Variants in UBE3B observed in about 807,000 individuals in gnomAD.
UBE3B encodes ubiquitin-protein ligase E3B.
In UBE3B, 80 loss-of-function variants were observed where a neutral mutation model predicts 132.3. The observed-to-expected ratio is 0.60, with a 90% CI of 0.50 to 0.73. The LOEUF (loss-of-function observed/expected upper bound fraction) is 0.73. UBE3B is among the 30% of genes least tolerant of loss of function. The pLI is 0.00. For missense variants in UBE3B, 1,196 were observed against 1,362.5 expected (o/e 0.88, Z 1.92); for synonymous variants, 487 against 520.4 (o/e 0.94, Z 0.87).
intron 17 of UBE3B, 109 bp downstream of exon 17, chr12:109,510,567 T>G: frequency 1.2e-6 from 1 of 834,588 alleles, no homozygotes; most frequent in Admixed American, 2.2e-5. Flanking sequence ...TCCCTCTGCT[T>G]CATTTTGTCT....
the UBE3B span, among the ~76,000 whole-genome samples, chr12:109,547,286 G>C: frequency 6.6e-6 from 1 of 152,158 alleles, no homozygotes; most frequent in Non-Finnish European, 1.5e-5. The surrounding 1 kb of genome is among the most constrained non-coding windows in gnomAD (Gnocchi z 4.1). Context: ...TTCTCATCAC[G>C]ACCTGGAGCA....
rs753450646 is a variant in UBE3B at position 109,521,346 on chromosome 12, A to G, written c.2253+22A>G. 9 of 1,607,372 alleles carry G rather than the reference A, an allele frequency of 5.6e-6. No individual in the cohort carries two copies. The highest frequency in any genetic ancestry group is 5.1e-6 in the Non-Finnish European group (6 of 1,174,234). On this transcript the variant is annotated intron_variant, in intron 20 of 27. Coordinates refer to ENST00000342494, the MANE Select transcript of UBE3B (RefSeq NM_130466.4). This position sits in a 1 kb window ranked among gnomAD's most constrained non-coding sequence, Gnocchi z 4.2. ...CAAGGTATTTAAGGGGAGCAACAGCAGGGCTGACAGCAGCCAGATTCAAGA... is the reference window on the plus strand; with the variant it reads ...CAAGGTATTTAAGGGGAGCAACAGCGGGGCTGACAGCAGCCAGATTCAAGA...
At chr12:109,504,541 CGGGG>C (rs1485870314) in intron 14 of UBE3B, among the ~76,000 whole-genome samples, 2 of 152,100 alleles carry the variant, frequency 1.3e-5, no homozygotes, top group Non-Finnish European at 2.9e-5. Context: ...TGGAGAAGAC[CGGGG>C]GCAGGGCCTG....
intron 14 of UBE3B, among the ~76,000 whole-genome samples, chr12:109,506,000 GAGATGTGTTATT>G (rs1879615674): frequency 6.6e-6 from 1 of 152,200 alleles, no homozygotes; most frequent in African/African-American, 2.4e-5. Context: ...TCTAAGTCAA[GAGATGTGTTATT>G]AGATGTAAAC....
chr12:109,494,147 A>G (rs1250425549), intron 9 of UBE3B, among the ~76,000 whole-genome samples: 1 of 152,122 alleles, frequency 6.6e-6, no homozygotes, highest in Non-Finnish European at 1.5e-5. Context: ...TTTATAGATA[A>G]GGAAGCTAAG....
chr12:109,484,494 CA>C (rs915148869), intron 4 of UBE3B, among the ~76,000 whole-genome samples: 1 of 152,108 alleles, frequency 6.6e-6, no homozygotes, highest in African/African-American at 2.4e-5. Context: ...CGGGTTCAAG[CA>C]GTTCTCCGGC....
rs1481318315 is a variant in UBE3B at position 109,516,750 on chromosome 12, C to G, written c.1957-15C>G. 2 of 1,609,592 alleles carry G rather than the reference C, an allele frequency of 1.2e-6. No homozygotes were observed. Among genetic ancestry groups the G allele is most frequent in the Admixed American group, 1.7e-5 (1 of 59,672 alleles). ...TGCTGACCCTGTTTTCTGATCCCGC[C>G]TTTGTTCATTTTAGAGAGTTCTACT... On this transcript the variant is annotated splice_polypyrimidine_tract_variant and intron_variant, in intron 18 of 27. Transcript: ENST00000342494.
rs973943528 is a variant in UBE3B, at chr12:109,522,008, G to A, written c.2364+457G>A. 6.6e-6 allele frequency among the ~76,000 whole-genome samples: 1 copy of A among 152,218 alleles called. No individual in the cohort carries two copies. The highest frequency in any genetic ancestry group is 2.4e-5 in the African/African-American group (1 of 41,462). On this transcript the variant is annotated intron_variant, in intron 21 of 27. Coordinates refer to ENST00000342494, the MANE Select transcript of UBE3B (RefSeq NM_130466.4). This position sits in a 1 kb window ranked among gnomAD's most constrained non-coding sequence, Gnocchi z 4.2. ...TGGAGTTTGATAGTTTTAAAATCTT[G>A]TGTTGTTTGAGTGAGTGCTTCCCAG...
chr12:109,521,483 T>C lies in UBE3B; in HGVS notation c.2296T>C (p.Tyr766His). ...GAGGCTGTACCCCTCACCCACATCC[T>C]ACATCCATGAGAATTACCTGCAGCT... The part of the protein sequence containing the change: ...DERLYPSPTS[Y>H]IHENYLQLFE... The change falls in exon 21 of 28, where the codon TAC (tyrosine) becomes CAC (histidine). Residue 766 changes from tyrosine (Y) to histidine (H), a missense_variant. Physicochemically the swap from Tyr to His is moderately conservative, Grantham distance 83. Coordinates refer to ENST00000342494, the MANE Select transcript of UBE3B (RefSeq NM_130466.4). The surrounding 1 kb of genome is among the most constrained non-coding windows in gnomAD (Gnocchi z 4.2). 4 of 1,601,364 alleles carry C rather than the reference T, an allele frequency of 2.5e-6. No individual in the cohort carries two copies. The highest frequency in any genetic ancestry group is 3.4e-6 in the Non-Finnish European group (4 of 1,171,312).
intron 5 of UBE3B, 58 bp from the exon 6 acceptor site, chr12:109,486,413 G>A: frequency 1.4e-6 from 2 of 1,391,964 alleles, no homozygotes; most frequent in East Asian, 4.6e-5. Context: ...AACAGTTAGA[G>A]CACAAGTGAT....
chr12:109,506,435 G>C (rs949211138), intron 14 of UBE3B, among the ~76,000 whole-genome samples: 2 of 152,160 alleles, frequency 1.3e-5, no homozygotes, highest in Admixed American at 6.5e-5. Context: ...TGCAACCTCT[G>C]CCTCCCAGGT....
At chr12:109,530,185 T>C (rs1400323520) in intron 25 of UBE3B, 113 bp downstream of exon 25, 26 of 1,251,710 alleles carry the variant, frequency 2.1e-5, no homozygotes, top group Non-Finnish European at 2.7e-5. Flanking sequence ...CCAGATCTCC[T>C]TCTCCTCCCT....
At position 109,489,982 on chromosome 12, in the gene UBE3B, A is replaced by G; in HGVS notation, c.608A>G (p.His203Arg). ...AATATAATGGGACATCTCAACCAGC[A>G]TGGATTTTATTCTGTGCTGCAGGTC... is the stretch of plus-strand genomic sequence containing the variant. ...CANIMGHLNQ[H>R]GFYSVLQILL... The change falls in exon 8 of 28, where the codon CAT becomes CGT. Residue 203 changes from histidine (H) to arginine (R), a missense_variant. Transcript: ENST00000342494. 1 of 1,614,224 alleles carries G rather than the reference A, an allele frequency of 6.2e-7. No homozygotes were observed. Among genetic ancestry groups the G allele is most frequent in the Non-Finnish European group, 8.5e-7 (1 of 1,180,042 alleles).
At chr12:109,490,762 A>G in intron 8 of UBE3B, 2 of 1,385,064 alleles carry the variant, frequency 1.4e-6, no homozygotes, top group South Asian at 1.7e-5. Flanking sequence ...TCGTTACCCA[A>G]TACTTTCTTC....
intron 4 of UBE3B, among the ~76,000 whole-genome samples, chr12:109,485,389 A>G (rs1404458068): frequency 6.6e-6 from 1 of 152,246 alleles, no homozygotes; most frequent in Non-Finnish European, 1.5e-5. Context: ...GCAGGCAGTG[A>G]ACACATGATT....
Position 109,534,811 on chromosome 12 carries a change from CCTGGG to C in UBE3B, c.*33_*37del. 1 of 1,460,528 alleles carries C rather than the reference CCTGGG, an allele frequency of 6.8e-7. No individual in the cohort carries two copies. Among genetic ancestry groups the C allele is most frequent in the Non-Finnish European group, 9.1e-7 (1 of 1,095,044 alleles). 90.5% of individuals were successfully genotyped at this position (1,460,528 alleles called of 1,614,324 possible). A position where few individuals can be genotyped will look rare whatever the true frequency, so the allele number is the denominator to read the frequency against. On this transcript the variant is annotated 3_prime_UTR_variant, in exon 28 of 28. Transcript: ENST00000342494. The surrounding 1 kb of genome is among the most constrained non-coding windows in gnomAD (Gnocchi z 5.2). ...CTGTCCCAGCCCTGCCTCCAGGGCT[CCTGGG>C]CTGCCAGGGACCTTCAGCTCCCAGA...
At chr12:109,490,978 G>A (rs76720290) in intron 8 of UBE3B, 67 bp from the exon 9 acceptor site, 6 of 1,519,274 alleles carry the variant, frequency 3.9e-6, no homozygotes, top group Non-Finnish European at 5.4e-6. Context: ...TTACTTTTTT[G>A]CTCTTTTATG....
rs773968783 is a variant in UBE3B at position 109,522,217 on chromosome 12, C to G, written c.2364+666C>G. On this transcript the variant is annotated intron_variant, in intron 21 of 27. Coordinates refer to ENST00000342494, the MANE Select transcript of UBE3B (RefSeq NM_130466.4). This position sits in a 1 kb window ranked among gnomAD's most constrained non-coding sequence, Gnocchi z 4.2. ...TACGGTGCCCAGCCAGCTGCTCACACCAGGTGGATCGGAGCAGTCATCCTC... is the reference window on the plus strand; with the variant it reads ...TACGGTGCCCAGCCAGCTGCTCACAGCAGGTGGATCGGAGCAGTCATCCTC... Among the ~76,000 whole-genome samples the G allele has an allele frequency of 1.8e-4, 27 of 152,184 alleles. No homozygotes were observed. The highest frequency in any genetic ancestry group is 3.7e-4 in the Non-Finnish European group (25 of 68,036).
In UBE3B at chr12:109,534,282, T is replaced by C. The variant is rs1883247978; in HGVS notation, c.3016-309T>C. ...AAATGTTTGGGCACCTAACAGTTTT[T>C]ACAGCATTCTACTTTTTGTCAATTG... On this transcript the variant is annotated intron_variant, in intron 27 of 27. Transcript: ENST00000342494. The surrounding 1 kb of genome is among the most constrained non-coding windows in gnomAD (Gnocchi z 5.2). 3 of 1,352,980 alleles carry C rather than the reference T, an allele frequency of 2.2e-6. No individual in the cohort carries two copies. The Admixed American group carries it at 9.5e-5, about 43-fold the overall frequency. The allele number at this position is 1,352,980 out of a possible 1,614,324, so 83.8% of individuals were successfully genotyped here.
Sources: allele counts gnomAD v4.1 joint callset (sites outside exome capture counted in the v4.1 genomes callset), GRCh38; gene constraint gnomAD v4.1.1; non-coding constraint Gnocchi (gnomAD v3.1); transcripts MANE v1.5; gene names NCBI Gene and HGNC (gene_info 2026-07-23, HGNC 2026-07-21).